The following UGT2B11 variants were observed in gnomAD, a reference collection of about 807,000 sequenced individuals.
UGT2B11 encodes the protein UDP-glucuronosyltransferase 2B11.
In UGT2B11, 49 loss-of-function variants were observed where a neutral mutation model predicts 51.7. The observed-to-expected ratio is 0.95, with a 90% confidence interval of 0.75 to 1.20. UGT2B11 has a LOEUF of 1.20. UGT2B11 is among the 50% of genes most tolerant of loss of function. The probability of loss-of-function intolerance (pLI) is 0.00; values close to 1 mark genes in which losing one functional copy is unlikely to be tolerated. For missense variants in UGT2B11, 810 were observed against 622.1 expected, an observed-to-expected ratio of 1.30 and a Z score of -3.21; for synonymous variants, 273 against 209.0, an observed-to-expected ratio of 1.31 and a Z score of -2.64.
chr4:69,223,242 T>C, the UGT2B11 span, among the ~76,000 whole-genome samples: 4 of 152,276 alleles, frequency 2.6e-5, no homozygotes, highest in South Asian at 4.1e-4. Context: ...TGAATTTGTC[T>C]CAGTTATTCA....
chr4:69,200,210 A>T lies in UGT2B11; in HGVS notation c.*230T>A, dbSNP rs77235961. The T allele has an allele frequency of 0.042, 19,528 of 462,802 alleles. 549 individuals are homozygous for T. Among genetic ancestry groups the T allele is most frequent in the South Asian group, 0.1 (1,605 of 15,898 alleles). 28.7% of individuals were successfully genotyped at this position (462,802 alleles called of 1,614,324 possible). A position where few individuals can be genotyped will look rare whatever the true frequency, so the allele number is the denominator to read the frequency against. On this transcript the variant is annotated 3_prime_UTR_variant, in exon 6 of 6. Coordinates refer to ENST00000446444, the MANE Select transcript of UGT2B11 (RefSeq NM_001073.3). ...TCAAATGGCTTTATATTATTTTTTA[A>T]TTTTCCTAGTATTTTCTTCATTGCC...
intron 3 of UGT2B11, among the ~76,000 whole-genome samples, chr4:69,206,109 C>T (rs1019128590): frequency 7.9e-5 from 12 of 151,514 alleles, no homozygotes; most frequent in African/African-American, 2.9e-4. Context: ...TGAAACCCAG[C>T]AATCCCATTA....
chr4:69,205,710 A>G (rs1312416448), intron 3 of UGT2B11, 143 bp from the exon 4 acceptor site: 9 of 948,864 alleles, frequency 9.5e-6, no homozygotes, highest in African/African-American at 5.2e-5. Flanking sequence ...GAATACTCAC[A>G]TTTTATTTTC....
chr4:69,207,031 A>C (rs1262914061), intron 3 of UGT2B11, among the ~76,000 whole-genome samples: 1 of 151,658 alleles, frequency 6.6e-6, no homozygotes, highest in Admixed American at 6.6e-5. Context: ...ACAATTTTTG[A>C]CACAAATTCA....
rs766019848 is a variant in UGT2B11, at chr4:69,214,719, T to A, written c.4A>T (p.Thr2Ser). Residue 2 changes from threonine to serine, a missense_variant, in exon 1 of 6, where the codon ACT (threonine) becomes TCT (serine). Transcript: ENST00000446444. ...AGAAGAACTGAAGTCCATTTCAGAG[T>A]CATCCTGGTGCAATGCGATCATTCT... M[T>S]LKWTSVLLLI... 5 of 1,611,832 alleles carry A rather than the reference T, an allele frequency of 3.1e-6. No individual in the cohort carries two copies. In the African/African-American group the frequency reaches 4.0e-5, roughly 13 times the overall value.
At chr4:69,216,490 T>C (rs1426360728), upstream of UGT2B11, 6 of 151,706 alleles carry the variant, frequency 4.0e-5, no homozygotes, top group Non-Finnish European at 7.4e-5. Flanking sequence ...AGTTACCTCA[T>C]GGTGTTCTGA....
At chr4:69,210,830 T>C (rs907125763) in intron 2 of UGT2B11, among the ~76,000 whole-genome samples, 13 of 151,650 alleles carry the variant, frequency 8.6e-5, no homozygotes, top group Admixed American at 8.6e-4. Flanking sequence ...AAACGTTCTT[T>C]TAAGAGGTTG....
At chr4:69,219,144 G>T (rs1327345153), upstream of UGT2B11, among the ~76,000 whole-genome samples, 1 of 151,364 alleles carries the variant, frequency 6.6e-6, no homozygotes, top group East Asian at 1.9e-4. Context: ...TTCAAATTAT[G>T]TTGGTATGAA....
chr4:69,216,689 T>C (rs1419948425), upstream of UGT2B11: 2 of 151,770 alleles, frequency 1.3e-5, no homozygotes, highest in African/African-American at 4.8e-5. Flanking sequence ...TACATATCAA[T>C]ATCAATCAAT....
chr4:69,200,502 T>A lies in UGT2B11; in HGVS notation c.1528A>T (p.Lys510Ter). 1 of 1,612,104 alleles carries A rather than the reference T, an allele frequency of 6.2e-7. No homozygotes were observed. Among genetic ancestry groups the A allele is most frequent in the Non-Finnish European group, 8.5e-7 (1 of 1,178,816 alleles). Residue 510 changes from lysine (K) to a stop codon, truncating the protein, a stop_gained, in exon 6 of 6, where the codon AAG (lysine) becomes TAG (stop). Transcript: ENST00000446444. LOFTEE classifies it high-confidence loss of function. ...CVATVIFIIT[K>*]FCLFCFWKFA... ...TTCCAGAAACAAAACAGACAAAACT[T>A]TGTGATGATAAATATCACAGTTGCC...
In UGT2B11 at chr4:69,204,523, A is replaced by C. The variant is rs995677217; in HGVS notation, c.1217T>G (p.Met406Arg). ...TCTAACAGCTGCTCCCTTGGCCTTCATGTGAGCAATGTTATCAGGTTGATC... is the reference window on the plus strand; with the variant it reads ...TCTAACAGCTGCTCCCTTGGCCTTCCTGTGAGCAATGTTATCAGGTTGATC... The part of the protein sequence containing the change: ...FFDQPDNIAH[M>R]KAKGAAVRLD... Residue 406 changes from methionine (M) to arginine (R), a missense_variant, in exon 5 of 6, where the codon ATG becomes AGG. Coordinates refer to ENST00000446444, the MANE Select transcript of UGT2B11 (RefSeq NM_001073.3). 1.9e-6 allele frequency: 3 copies of C among 1,612,240 alleles called. No homozygotes were observed. In the African/African-American group the frequency reaches 4.0e-5, roughly 22 times the overall value.
chr4:69,221,390 A>C, the UGT2B11 span, among the ~76,000 whole-genome samples: 33 of 152,206 alleles, frequency 2.2e-4, no homozygotes, highest in Non-Finnish European at 4.1e-4. Flanking sequence ...GCCTTTGATA[A>C]GGAAAAATGG....
intron 1 of UGT2B11, among the ~76,000 whole-genome samples, chr4:69,213,243 A>C (rs1157934916): frequency 6.6e-6 from 1 of 151,750 alleles, no homozygotes; most frequent in Non-Finnish European, 1.5e-5. Flanking sequence ...AGATCTTAAT[A>C]ATATTATCAT....
the UGT2B11 span, among the ~76,000 whole-genome samples, chr4:69,222,908 G>C: frequency 6.6e-6 from 1 of 152,146 alleles, no homozygotes; most frequent in Admixed American, 6.5e-5. Flanking sequence ...ACTTCAGTGG[G>C]GCTGGATGGA....
the UGT2B11 span, among the ~76,000 whole-genome samples, chr4:69,224,752 G>GA: frequency 1.3e-3 from 182 of 145,138 alleles, no homozygotes; most frequent in South Asian, 0.015. Flanking sequence ...TCAACCGAGA[G>GA]AAAAAAAAAA....
At chr4:69,222,575 T>TA in the UGT2B11 span, among the ~76,000 whole-genome samples, 1 of 152,186 alleles carries the variant, frequency 6.6e-6, no homozygotes, top group African/African-American at 2.4e-5. Flanking sequence ...TTTAGCTGGC[T>TA]AAAGTACCAT....
rs553974765 is a variant in UGT2B11 at position 69,209,840 on chromosome 4, A to C, written c.871-1358T>G. 2.6e-5 allele frequency among the ~76,000 whole-genome samples: 4 copies of C among 151,744 alleles called. No individual in the cohort carries two copies. The South Asian group carries it at 8.3e-4, about 31-fold the overall frequency. On this transcript the variant is annotated intron_variant, in intron 2 of 5. Transcript: ENST00000446444. The stretch of plus-strand genomic sequence containing the variant: ...GAATCTAATCTCTGTTTAGAGATTC[A>C]TCACTGATATTGACTGGTTGTTTCT...
chr4:69,210,069 T>G (rs2109950216), intron 2 of UGT2B11, among the ~76,000 whole-genome samples: 1 of 151,726 alleles, frequency 6.6e-6, no homozygotes, highest in African/African-American at 2.4e-5. Context: ...AATTTTAATC[T>G]TATTGTATAT....
upstream of UGT2B11, among the ~76,000 whole-genome samples, chr4:69,219,006 C>T (rs7680900): frequency 0.16 from 24,099 of 152,012 alleles, 2,329 homozygotes; most frequent in African/African-American, 0.26. Flanking sequence ...CCCTAGAAAC[C>T]GCTCAGGGTA....
Sources: gnomAD v4.1 joint callset for allele counts (sites outside exome capture counted in the v4.1 genomes callset) on GRCh38, gnomAD v4.1.1 for gene constraint, MANE v1.5 for transcripts, NCBI Gene and HGNC (gene_info 2026-07-23, HGNC 2026-07-21) for gene names.